The following LAMA4 variants were observed in gnomAD, a reference collection of about 807,000 sequenced individuals.
LAMA4 encodes laminin subunit alpha-4.
In LAMA4, 127 loss-of-function variants were observed where a neutral mutation model predicts 207.1. That is an observed-to-expected ratio of 0.61 (90% CI 0.53 to 0.71). The LOEUF (loss-of-function observed/expected upper bound fraction) is 0.71, where lower values mean the gene tolerates loss of function less well. Ranked by LOEUF, LAMA4 falls within the 30% of genes least tolerant of loss-of-function variation. The pLI is 0.00. For synonymous variants in LAMA4, 761 were observed against 816.0 expected (o/e 0.93, Z 1.15); for missense variants, 2,093 against 2,246.5 (o/e 0.93, Z 1.38).
chr6:112,187,755 C>A (rs1782780575), intron 7 of LAMA4, among the ~76,000 whole-genome samples, 154 bp from the exon 8 acceptor site: 1 of 152,178 alleles, frequency 6.6e-6, no homozygotes, highest in Non-Finnish European at 1.5e-5. Flanking sequence ...GCTTTAGTAT[C>A]TTGCTTGGCA....
chr6:112,223,760 T>C lies in LAMA4; in HGVS notation c.196-7291A>G, dbSNP rs73546235. Among the ~76,000 whole-genome samples, 1,127 of 152,320 alleles carry C rather than the reference T, an allele frequency of 7.4e-3. 21 individuals carry two copies. Among genetic ancestry groups the C allele is most frequent in the African/African-American group, 0.025 (1,044 of 41,560 alleles). On this transcript the variant is annotated intron_variant, in intron 2 of 38. Transcript: ENST00000230538. ...CAAAGTGAAAGTGACTGGCAGGACA[T>C]GTCTTTCCTTCCTTTTGCTCTTCCT...
chr6:112,116,671 CA>C (rs1347828437), intron 35 of LAMA4, among the ~76,000 whole-genome samples: 8 of 152,090 alleles, frequency 5.3e-5, no homozygotes, highest in African/African-American at 1.9e-4. Context: ...GTGTTTACTC[CA>C]AGAGACTCAT....
intron 18 of LAMA4, among the ~76,000 whole-genome samples, chr6:112,147,640 T>C (rs927791104): frequency 6.6e-6 from 1 of 152,216 alleles, no homozygotes. Flanking sequence ...TTCATTTCTA[T>C]AGAACTGTAT....
At chr6:112,183,735 G>A (rs1554345805) in intron 9 of LAMA4, among the ~76,000 whole-genome samples, 6 of 152,018 alleles carry the variant, frequency 3.9e-5, no homozygotes, top group Non-Finnish European at 8.8e-5. Flanking sequence ...CTGATCACCT[G>A]AGGTCAAGAG....
chr6:112,171,248 CA>C (rs1781692583), intron 12 of LAMA4, among the ~76,000 whole-genome samples: 1 of 151,066 alleles, frequency 6.6e-6, no homozygotes, highest in Admixed American at 6.6e-5. Context: ...GGTTACAACC[CA>C]TGAAACTTAT....
chr6:112,121,851 T>C, intron 32 of LAMA4, 163 bp downstream of exon 32: 1 of 653,054 alleles, frequency 1.5e-6, no homozygotes, highest in Non-Finnish European at 2.8e-6. Context: ...ATAATTCTTT[T>C]GATAGCATAA....
chr6:112,115,827 G>A (rs1052604923), intron 36 of LAMA4, 36 bp downstream of exon 36: 1 of 1,603,654 alleles, frequency 6.2e-7, no homozygotes, highest in Non-Finnish European at 8.5e-7. Context: ...TCCAAGGTCA[G>A]ATGAGACAAA....
At chr6:112,185,420 A>G (rs1782628990) in intron 8 of LAMA4, 73 bp from the exon 9 acceptor site, 1 of 885,332 alleles carries the variant, frequency 1.1e-6, no homozygotes, top group Admixed American at 1.7e-5. Flanking sequence ...AAACTCTTTC[A>G]GTGTAAGAGG....
At chr6:112,174,942 C>T (rs1554343115) in intron 11 of LAMA4, among the ~76,000 whole-genome samples, 2 of 152,342 alleles carry the variant, frequency 1.3e-5, no homozygotes, top group South Asian at 2.1e-4. Flanking sequence ...TCATGGTCTT[C>T]ACAACATGAA....
intron 9 of LAMA4, chr6:112,179,866 T>C (rs782321348): frequency 7.6e-6 from 4 of 529,368 alleles, no homozygotes; most frequent in South Asian, 4.3e-5. Flanking sequence ...CTTCATAAAC[T>C]GTGGGCTCTC....
chr6:112,136,551 G>T (rs1049640742), intron 24 of LAMA4, among the ~76,000 whole-genome samples: 1 of 152,036 alleles, frequency 6.6e-6, no homozygotes, highest in South Asian at 2.1e-4. Context: ...AACTAGCCAG[G>T]CGTGGTGGTA....
chr6:112,183,038 G>A (rs12192658), intron 9 of LAMA4, among the ~76,000 whole-genome samples: 11,235 of 152,214 alleles, frequency 0.074, 555 homozygotes, highest in Middle Eastern at 0.18. Flanking sequence ...GACAAAACCC[G>A]TAGCTAGGTG....
chr6:112,130,955 TGAG>T lies in LAMA4; in HGVS notation c.3968+10_3968+12del, dbSNP rs1172653496. 1.9e-6 allele frequency: 3 copies of T among 1,612,212 alleles called. No homozygotes were observed. The East Asian group carries it at 6.7e-5, about 36-fold the overall frequency. On this transcript the variant is annotated intron_variant, in intron 29 of 38. Coordinates refer to ENST00000230538, the MANE Select transcript of LAMA4 (RefSeq NM_001105206.3). ...TAGACATGGTGGAAAGAATATGAAG[TGAG>T]GAGCTATACCTTGTGGGTGAGACAG...
intron 38 of LAMA4, among the ~76,000 whole-genome samples, chr6:112,111,805 C>G (rs1300468012): frequency 1.3e-5 from 2 of 152,162 alleles, no homozygotes; most frequent in Admixed American, 1.3e-4. Flanking sequence ...GCTTTAGGTA[C>G]ATCTTGCCTG....
chr6:112,152,414 C>T (rs1554335946), intron 16 of LAMA4, among the ~76,000 whole-genome samples: 3 of 152,018 alleles, frequency 2.0e-5, no homozygotes, highest in African/African-American at 4.8e-5. Context: ...TGAAAGCACA[C>T]TTGTGGCACA....
At chr6:112,221,425 C>T (rs1324088288) in intron 2 of LAMA4, among the ~76,000 whole-genome samples, 3 of 152,110 alleles carry the variant, frequency 2.0e-5, no homozygotes, top group African/African-American at 7.2e-5. Context: ...TATTGAGGCT[C>T]CAAATAGAAA....
At position 112,126,389 on chromosome 6, in the gene LAMA4, T is replaced by C. The variant is rs189279133; in HGVS notation, c.4287+2533A>G. Among the ~76,000 whole-genome samples, 3 of 152,314 alleles carry C rather than the reference T, an allele frequency of 2.0e-5. No individual in the cohort carries two copies. The East Asian group carries it at 5.8e-4, about 29-fold the overall frequency. ...ACAGCAAGACTCTATTAGAATTTTA[T>C]AGTATACTCTGAAAACTCCTTCATA... On this transcript the variant is annotated intron_variant, in intron 31 of 38. Coordinates refer to ENST00000230538, the MANE Select transcript of LAMA4 (RefSeq NM_001105206.3).
Position 112,187,456 on chromosome 6 carries a change from G to C in LAMA4, c.960C>G (p.Leu320=), listed in dbSNP as rs1782753015. ...GTAGAACATTCCTGCGTACTTTGAG[G>C]AGGTAGATGGTGGCGTTGATTTCAT... The part of the protein sequence containing the change: ...HVNEINATIY[L]LKTKLSEREN... Residue 320 remains leucine (L), a synonymous_variant, in exon 8 of 39, where the codon CTC becomes CTG. Coordinates refer to ENST00000230538, the MANE Select transcript of LAMA4 (RefSeq NM_001105206.3). The C allele has an allele frequency of 1.2e-6, 2 of 1,614,080 alleles. No homozygotes were observed. The highest frequency in any genetic ancestry group is 1.1e-5 in the South Asian group (1 of 91,078).
At chr6:112,134,428 A>G (rs1779214134) in intron 26 of LAMA4, 39 bp downstream of exon 26, 4 of 1,609,724 alleles carry the variant, frequency 2.5e-6, no homozygotes, top group Admixed American at 3.3e-5. Context: ...AGCCCAGTAC[A>G]TTGCTAGGAA....
Sources: allele counts gnomAD v4.1 joint callset (sites outside exome capture counted in the v4.1 genomes callset), GRCh38; gene constraint gnomAD v4.1.1; transcripts MANE v1.5; gene names NCBI Gene and HGNC (gene_info 2026-07-23, HGNC 2026-07-21).